The following ESRRG variants were observed in gnomAD, a reference collection of about 807,000 sequenced individuals.
The protein encoded by ESRRG is estrogen-related receptor gamma.
In ESRRG, 13 loss-of-function variants were observed where a neutral mutation model predicts 44.0. The ratio of observed to expected loss-of-function variants is 0.30; its 90% CI spans 0.19 to 0.47. ESRRG has a LOEUF of 0.47. Ranked by LOEUF, ESRRG falls within the 20% of genes least tolerant of loss-of-function variation. ESRRG has a pLI of 1.00. For missense variants in ESRRG, 395 were observed against 580.6 expected (o/e 0.68, Z 3.29); for synonymous variants, 215 against 214.6 (o/e 1.00, Z -0.02).
intron 6 of ESRRG, 42 bp from the exon 7 acceptor site, chr1:216,507,225 T>G (rs779494622): frequency 7.1e-7 from 1 of 1,410,566 alleles, no homozygotes; most frequent in Non-Finnish European, 9.7e-7. Context: ...ATAATAATAA[T>G]AGCAAACCTA....
At chr1:216,944,617 C>G (rs962191341) in intron 1 of ESRRG, among the ~76,000 whole-genome samples, 1 of 151,836 alleles carries the variant, frequency 6.6e-6, no homozygotes, top group African/African-American at 2.4e-5. Flanking sequence ...TGGTAATGCA[C>G]TCCAAAGCCT....
intron 2 of ESRRG, among the ~76,000 whole-genome samples, chr1:216,753,927 G>A (rs1295068556): frequency 1.3e-5 from 2 of 151,986 alleles, no homozygotes; most frequent in East Asian, 3.9e-4. Context: ...GATCTTTCAT[G>A]CAACATAAAG....
At chr1:217,130,681 T>A (rs1034947435) in intron 1 of ESRRG, among the ~76,000 whole-genome samples, 3 of 152,232 alleles carry the variant, frequency 2.0e-5, no homozygotes, top group African/African-American at 4.8e-5. Flanking sequence ...TTAAAAATAA[T>A]TGAATATTAA....
chr1:216,674,276 C>T (rs944886312), intron 2 of ESRRG, among the ~76,000 whole-genome samples: 3 of 152,098 alleles, frequency 2.0e-5, no homozygotes, highest in Non-Finnish European at 4.4e-5. Flanking sequence ...GTGCACAGAC[C>T]ATTGTTTTTA....
intron 2 of ESRRG, among the ~76,000 whole-genome samples, chr1:216,915,561 C>T (rs1361622275): frequency 6.6e-6 from 1 of 151,900 alleles, no homozygotes; most frequent in Non-Finnish European, 1.5e-5. Context: ...CAACCCAAAA[C>T]AGCCAAGATA....
intron 5 of ESRRG, among the ~76,000 whole-genome samples, chr1:216,550,645 A>G (rs1425914002): frequency 6.6e-6 from 1 of 152,118 alleles, no homozygotes; most frequent in African/African-American, 2.4e-5. Flanking sequence ...GGAGAGAACA[A>G]AAGTCAACGG....
chr1:216,611,415 A>T (rs1394172935), intron 3 of ESRRG, among the ~76,000 whole-genome samples: 1 of 152,060 alleles, frequency 6.6e-6, no homozygotes, highest in Admixed American at 6.6e-5. Context: ...TTAGATACAA[A>T]ATCTTATAAA....
chr1:216,571,949 T>A (rs536428442), intron 3 of ESRRG, among the ~76,000 whole-genome samples: 1 of 152,302 alleles, frequency 6.6e-6, no homozygotes, highest in African/African-American at 2.4e-5. Flanking sequence ...TAAAAATTTC[T>A]AGAGCCAATA....
chr1:216,879,196 A>C (rs1407868030), intron 2 of ESRRG, among the ~76,000 whole-genome samples: 1 of 152,180 alleles, frequency 6.6e-6, no homozygotes, highest in Non-Finnish European at 1.5e-5. Flanking sequence ...CTTTGTCTCT[A>C]AATAACTTGG....
rs74141643 is a variant in ESRRG, at chr1:216,715,164, T to C, written c.56+8080A>G. ...AGCAATAAGATGAATTAGCCAAGTG[T>C]GTAGTTCAGTACAATTCAGCTGATA... On this transcript the variant is annotated intron_variant, in intron 1 of 6. Transcript: ENST00000408911. The C allele has an allele frequency of 4.3e-3, 4,201 of 985,202 alleles. 124 individuals are homozygous for C. In the African/African-American group the frequency reaches 0.068, roughly 16 times the overall value. The allele number at this position is 985,202 out of a possible 1,614,324, so 61.0% of individuals were successfully genotyped here.
intron 2 of ESRRG, among the ~76,000 whole-genome samples, chr1:216,785,236 C>A (rs1426423661): frequency 6.6e-6 from 1 of 152,050 alleles, no homozygotes; most frequent in Non-Finnish European, 1.5e-5. Context: ...TACAAGTGCA[C>A]ACAGACCCAA....
At chr1:216,830,181 A>G (rs1195226045) in intron 2 of ESRRG, among the ~76,000 whole-genome samples, 2 of 152,212 alleles carry the variant, frequency 1.3e-5, no homozygotes, top group African/African-American at 4.8e-5. Context: ...TAGAGGGCAC[A>G]TTAATAACGT....
At chr1:216,813,286 G>A (rs542199084) in intron 2 of ESRRG, among the ~76,000 whole-genome samples, 1 of 152,318 alleles carries the variant, frequency 6.6e-6, no homozygotes, top group East Asian at 1.9e-4. Context: ...TGGCTCAGCT[G>A]TGACCCTCTG....
At chr1:217,023,899 T>C (rs1464487181) in intron 1 of ESRRG, among the ~76,000 whole-genome samples, 1 of 152,210 alleles carries the variant, frequency 6.6e-6, no homozygotes, top group Non-Finnish European at 1.5e-5. Context: ...TGCATGGCAA[T>C]GCATGAGCAG....
intron 1 of ESRRG, among the ~76,000 whole-genome samples, chr1:217,045,818 C>T (rs959664987): frequency 2.0e-5 from 3 of 151,894 alleles, no homozygotes; most frequent in Non-Finnish European, 2.9e-5. Context: ...GGGCGCTTTC[C>T]CTCAGAGGCA....
chr1:216,561,898 G>C (rs1031318775), intron 5 of ESRRG, among the ~76,000 whole-genome samples: 6 of 152,118 alleles, frequency 3.9e-5, no homozygotes, highest in African/African-American at 1.4e-4. Flanking sequence ...CTAAGCCTCA[G>C]CTTAAGACTG....
At chr1:216,575,233 G>A (rs1372102676) in intron 3 of ESRRG, among the ~76,000 whole-genome samples, 1 of 152,042 alleles carries the variant, frequency 6.6e-6, no homozygotes, top group Non-Finnish European at 1.5e-5. Flanking sequence ...GAGGATCTAA[G>A]CATATTAAAT....
intron 2 of ESRRG, among the ~76,000 whole-genome samples, chr1:216,868,079 C>CTTTTTTTTT (rs58738849): frequency 1.3e-4 from 10 of 78,366 alleles, no homozygotes; most frequent in Admixed American, 1.8e-4. Flanking sequence ...TATATTGATC[C>CTTTTTTTTT]TTTTTTTTTT....
chr1:217,101,625 A>G (rs1030311778), intron 1 of ESRRG, among the ~76,000 whole-genome samples: 3 of 152,120 alleles, frequency 2.0e-5, no homozygotes, highest in African/African-American at 7.2e-5. Flanking sequence ...TTTCCAAACC[A>G]AATCTATCTC....
Sources: gnomAD v4.1 joint callset for allele counts (sites outside exome capture counted in the v4.1 genomes callset) on GRCh38, gnomAD v4.1.1 for gene constraint, MANE v1.5 for transcripts, NCBI Gene and HGNC (gene_info 2026-07-23, HGNC 2026-07-21) for gene names.